The following HDAC4 variants were observed in gnomAD, a reference collection of about 807,000 sequenced individuals.
The protein encoded by HDAC4 is histone deacetylase A.
A neutral mutation model predicts 135.1 loss-of-function variants in HDAC4; 16 were observed. The observed-to-expected ratio is 0.12, with a 90% confidence interval of 0.08 to 0.18. The LOEUF is 0.18. HDAC4 is among the 10% of genes least tolerant of loss of function. HDAC4 has a pLI of 1.00. For synonymous variants in HDAC4, 685 were observed against 653.4 expected (o/e 1.05, Z -0.74); for missense variants, 1,143 against 1,511.8 (o/e 0.76, Z 4.05).
intron 21 of HDAC4, 84 bp downstream of exon 21, chr2:239,082,018 G>T: frequency 6.8e-7 from 1 of 1,478,140 alleles, no homozygotes; most frequent in Non-Finnish European, 9.4e-7. Flanking sequence ...CTGCCGGGCA[G>T]CTGTGGACCG....
chr2:239,168,738 C>A (rs908049327), intron 5 of HDAC4, among the ~76,000 whole-genome samples: 1 of 152,212 alleles, frequency 6.6e-6, no homozygotes, highest in Non-Finnish European at 1.5e-5. Flanking sequence ...TAAGAGCCCC[C>A]GAGTGGCGTC....
intron 1 of HDAC4, among the ~76,000 whole-genome samples, chr2:239,377,859 C>T (rs1481405976): frequency 2.0e-5 from 3 of 152,132 alleles, no homozygotes; most frequent in Admixed American, 1.3e-4. Flanking sequence ...GCTCAGCTGC[C>T]GCCACCTTCT....
chr2:239,303,801 G>A lies in HDAC4; in HGVS notation c.22+48877C>T, dbSNP rs1277403395. Among the ~76,000 whole-genome samples the A allele has an allele frequency of 2.0e-5, 3 of 152,224 alleles. No homozygotes were observed. The highest frequency in any genetic ancestry group is 4.4e-5 in the Non-Finnish European group (3 of 68,014). On this transcript the variant is annotated intron_variant, in intron 2 of 26. Coordinates refer to ENST00000543185, the MANE Select transcript of HDAC4 (RefSeq NM_001378414.1). The surrounding 1 kb of genome is among the most constrained non-coding windows in gnomAD (Gnocchi z 5.1). ...CATCCCCCGTGCTCAACTGCAGGGC[G>A]CGGCACTCGCCTATGCTCTCATGAA...
chr2:239,253,709 G>C (rs2048906799), intron 2 of HDAC4, among the ~76,000 whole-genome samples: 2 of 152,182 alleles, frequency 1.3e-5, no homozygotes, highest in Non-Finnish European at 2.9e-5. Flanking sequence ...ATTGTAGGCA[G>C]AGTTGAATTC....
At chr2:239,239,666 T>C (rs1408361395) in intron 2 of HDAC4, among the ~76,000 whole-genome samples, 1 of 152,188 alleles carries the variant, frequency 6.6e-6, no homozygotes, top group Non-Finnish European at 1.5e-5. Context: ...ATGCTGCTTG[T>C]TCTCGTTGTG....
intron 3 of HDAC4, among the ~76,000 whole-genome samples, chr2:239,196,452 T>C (rs1265803921): frequency 6.6e-6 from 1 of 152,180 alleles, no homozygotes; most frequent in Non-Finnish European, 1.5e-5. Flanking sequence ...CATCTGCATA[T>C]ATGTGGCCCT....
intron 3 of HDAC4, among the ~76,000 whole-genome samples, chr2:239,208,858 A>G (rs2046210791): frequency 6.6e-6 from 1 of 152,188 alleles, no homozygotes; most frequent in Non-Finnish European, 1.5e-5. Context: ...ACCTTTATGG[A>G]TAAAAATTAT....
At chr2:239,122,321 C>T (rs1052952871) in intron 12 of HDAC4, among the ~76,000 whole-genome samples, 6 of 152,280 alleles carry the variant, frequency 3.9e-5, no homozygotes, top group South Asian at 2.1e-4. Context: ...CACCTTCCAA[C>T]GAACGTCCTC....
intron 2 of HDAC4, among the ~76,000 whole-genome samples, chr2:239,266,060 G>A (rs374067972): frequency 2.6e-5 from 4 of 152,310 alleles, no homozygotes; most frequent in East Asian, 1.9e-4. Flanking sequence ...CTAAGCCTGC[G>A]CAGAGGCTGC....
chr2:239,156,717 G>A lies in HDAC4; in HGVS notation c.668C>T (p.Thr223Ile), dbSNP rs1269045880. 6 of 1,614,126 alleles carry A rather than the reference G, an allele frequency of 3.7e-6. No individual in the cohort carries two copies. ...TCCCAGGACCGGGTGGTTATAGGAGGTCGACACTCCGCTCTGGGGTGGAGA... is the reference window on the plus strand; with the variant it reads ...TCCCAGGACCGGGTGGTTATAGGAGATCGACACTCCGCTCTGGGGTGGAGA... ...QSSPPQSGVSTSYNHPVLGMY... is the reference protein window; with the variant it reads ...QSSPPQSGVSISYNHPVLGMY... Residue 223 changes from threonine (T) to isoleucine (I), a missense_variant, in exon 7 of 27, where the codon ACC becomes ATC. Physicochemically the swap from Thr to Ile is moderately conservative, Grantham distance 89. Around this residue, in one of 9 missense-constraint regions of HDAC4, gnomAD observed 247 missense variants for 310.0 expected, o/e 0.80. Transcript: ENST00000543185.
In HDAC4 at chr2:239,068,759, T is replaced by A; in HGVS notation, c.2751-152A>T. 1 of 728,800 alleles carries A rather than the reference T, an allele frequency of 1.4e-6. No individual in the cohort carries two copies. The highest frequency in any genetic ancestry group is 2.5e-6 in the Non-Finnish European group (1 of 400,154). 45.1% of individuals were successfully genotyped at this position (728,800 alleles called of 1,614,324 possible). On this transcript the variant is annotated intron_variant, in intron 22 of 26. Coordinates refer to ENST00000543185, the MANE Select transcript of HDAC4 (RefSeq NM_001378414.1). The surrounding 1 kb of genome is among the most constrained non-coding windows in gnomAD (Gnocchi z 4.4). ...GGGCTCCACACAGCAGGCTGGAATC[T>A]GGCGACCACGCTTAATTAGAAGGGA... is the stretch of plus-strand genomic sequence containing the variant.
At chr2:239,254,418 A>T (rs1210105633) in intron 2 of HDAC4, among the ~76,000 whole-genome samples, 1 of 141,454 alleles carries the variant, frequency 7.1e-6, no homozygotes, top group Admixed American at 7.1e-5. Flanking sequence ...AAGCTGCGCT[A>T]AAAAAAAAAA....
chr2:239,247,476 C>CT (rs538139974), intron 2 of HDAC4, among the ~76,000 whole-genome samples: 4 of 152,334 alleles, frequency 2.6e-5, no homozygotes, highest in African/African-American at 9.6e-5. Flanking sequence ...GAGAGACTCC[C>CT]TTTGCTCCTC....
chr2:239,113,596 G>T (rs761038582), intron 13 of HDAC4, among the ~76,000 whole-genome samples: 1 of 152,196 alleles, frequency 6.6e-6, no homozygotes, highest in African/African-American at 2.4e-5. Flanking sequence ...AATATAACAA[G>T]CCTCTTTTTC....
At chr2:239,340,051 C>T (rs1487164877) in intron 2 of HDAC4, among the ~76,000 whole-genome samples, 1 of 152,156 alleles carries the variant, frequency 6.6e-6, no homozygotes, top group East Asian at 1.9e-4. Flanking sequence ...GGATGTGTCC[C>T]CACCCCAGAT....
chr2:239,331,654 G>A lies in HDAC4; in HGVS notation c.22+21024C>T, dbSNP rs947378237. On this transcript the variant is annotated intron_variant, in intron 2 of 26. Coordinates refer to ENST00000543185, the MANE Select transcript of HDAC4 (RefSeq NM_001378414.1). The surrounding 1 kb of genome is among the most constrained non-coding windows in gnomAD (Gnocchi z 4.5). The stretch of plus-strand genomic sequence containing the variant: ...CAGGGCTGCACTGGACCCACCGTGC[G>A]GGGACTGCCAGGTAAACCTCAGCTT... Among the ~76,000 whole-genome samples the A allele has an allele frequency of 6.6e-5, 10 of 152,130 alleles. No individual in the cohort carries two copies. Among genetic ancestry groups the A allele is most frequent in the Non-Finnish European group, 1.3e-4 (9 of 68,026 alleles).
At chr2:239,201,825 T>G (rs895558328) in intron 3 of HDAC4, among the ~76,000 whole-genome samples, 17 of 152,200 alleles carry the variant, frequency 1.1e-4, no homozygotes, top group African/African-American at 4.1e-4. Flanking sequence ...CTCCACTGTC[T>G]TTTTGTTTTT....
intron 2 of HDAC4, among the ~76,000 whole-genome samples, chr2:239,335,024 C>CAAAAAAA: frequency 1.1e-5 from 1 of 94,508 alleles, no homozygotes; most frequent in Non-Finnish European, 2.0e-5. Flanking sequence ...GACTCCATCT[C>CAAAAAAA]AAAAAAAAAA....
At chr2:239,114,948 G>A (rs945445918) in intron 13 of HDAC4, 105 bp downstream of exon 13, 56 of 1,367,950 alleles carry the variant, frequency 4.1e-5, no homozygotes, top group East Asian at 1.2e-4. Flanking sequence ...CAGTGACCGC[G>A]CAAGGATGCC....
Sources: gnomAD v4.1 joint callset for allele counts (sites outside exome capture counted in the v4.1 genomes callset) on GRCh38, gnomAD v4.1.1 for gene constraint, gnomAD v4.1.1 regional missense constraint, Gnocchi (gnomAD v3.1) non-coding constraint, MANE v1.5 for transcripts, NCBI Gene and HGNC (gene_info 2026-07-23, HGNC 2026-07-21) for gene names.